The following RAD18 variants were observed in gnomAD, a reference collection of about 807,000 sequenced individuals.
RAD18 encodes E3 ubiquitin-protein ligase RAD18.
Under a neutral mutation model 60.4 loss-of-function variants are expected in RAD18, and 47 were observed. The ratio of observed to expected loss-of-function variants is 0.78; its 90% CI spans 0.62 to 0.99. The LOEUF (loss-of-function observed/expected upper bound fraction) is 0.99, where lower values mean the gene tolerates loss of function less well. RAD18 is among the 50% of genes least tolerant of loss of function. The probability of loss-of-function intolerance (pLI) is 0.00; values close to 1 mark genes in which losing one functional copy is unlikely to be tolerated. For missense variants in RAD18, 640 were observed against 593.3 expected (o/e 1.08, Z -0.82); for synonymous variants, 225 against 195.5 (o/e 1.15, Z -1.26).
At chr3:8,955,986 T>A (rs1295497963) in intron 2 of RAD18, among the ~76,000 whole-genome samples, 1 of 152,182 alleles carries the variant, frequency 6.6e-6, no homozygotes, top group Non-Finnish European at 1.5e-5. Flanking sequence ...TTTAATTTAT[T>A]AATAAGACAC....
intron 12 of RAD18, among the ~76,000 whole-genome samples, chr3:8,887,934 T>G (rs917224137): frequency 6.6e-6 from 1 of 152,094 alleles, no homozygotes; most frequent in African/African-American, 2.4e-5. Flanking sequence ...GAGTCACAAC[T>G]CCTCTATCTG....
At chr3:8,926,645 T>C (rs377096947) in intron 7 of RAD18, among the ~76,000 whole-genome samples, 1 of 152,122 alleles carries the variant, frequency 6.6e-6, no homozygotes, top group South Asian at 2.1e-4. Flanking sequence ...ATCATGCTAC[T>C]TGACTTCAAA....
chr3:8,877,786 G>A lies in RAD18; in HGVS notation c.*3571C>T, dbSNP rs1402233860. ...CTAATAGTTGAAGGAAGGAAGGACA[G>A]GAAGAGTGGAAAGGAAAGAAAGGTA... On this transcript the variant is annotated 3_prime_UTR_variant, in exon 13 of 13. Coordinates refer to ENST00000264926, the MANE Select transcript of RAD18 (RefSeq NM_020165.4). The A allele has an allele frequency of 6.6e-6, 1 of 152,038 alleles. No homozygotes were observed. The highest frequency in any genetic ancestry group is 1.9e-4 in the East Asian group (1 of 5,182). 9.4% of individuals were successfully genotyped at this position (152,038 alleles called of 1,614,324 possible).
chr3:8,932,460 AC>A (rs1196840080), intron 7 of RAD18, among the ~76,000 whole-genome samples: 1 of 152,250 alleles, frequency 6.6e-6, no homozygotes, highest in Non-Finnish European at 1.5e-5. Context: ...ATCATGAGAT[AC>A]CACTACTACA....
At chr3:8,907,628 G>C (rs896219862) in intron 9 of RAD18, among the ~76,000 whole-genome samples, 2 of 152,170 alleles carry the variant, frequency 1.3e-5, no homozygotes, top group African/African-American at 4.8e-5. Context: ...CTGAGCGTCA[G>C]GGATACAAGC....
chr3:8,946,480 A>G (rs1187652253), intron 4 of RAD18, among the ~76,000 whole-genome samples: 4 of 152,250 alleles, frequency 2.6e-5, no homozygotes, highest in Non-Finnish European at 5.9e-5. Context: ...TATCTAAACC[A>G]GTACGTCCTT....
At chr3:8,904,721 G>T (rs780474865) in intron 9 of RAD18, among the ~76,000 whole-genome samples, 53 of 152,126 alleles carry the variant, frequency 3.5e-4, no homozygotes, top group Non-Finnish European at 6.0e-4. Context: ...TCATCATTAT[G>T]TAGTTTCTAT....
chr3:8,929,339 T>C (rs376088331), intron 7 of RAD18, among the ~76,000 whole-genome samples: 2 of 151,882 alleles, frequency 1.3e-5, no homozygotes, highest in East Asian at 1.9e-4. Flanking sequence ...TAATAACTTA[T>C]AGGTAGAACA....
intron 11 of RAD18, among the ~76,000 whole-genome samples, chr3:8,891,645 T>A (rs1386405964): frequency 1.3e-5 from 2 of 152,312 alleles, no homozygotes; most frequent in East Asian, 3.9e-4. Context: ...GCTGCACAGC[T>A]CCCTGGTGTC....
intron 7 of RAD18, among the ~76,000 whole-genome samples, chr3:8,917,091 T>C (rs1018348032): frequency 5.3e-5 from 8 of 152,098 alleles, no homozygotes; most frequent in African/African-American, 1.9e-4. Context: ...AGACACATTA[T>C]ATAAAGAAAA....
intron 7 of RAD18, among the ~76,000 whole-genome samples, chr3:8,915,064 G>C (rs1483115881): frequency 1.3e-5 from 2 of 149,928 alleles, no homozygotes; most frequent in Non-Finnish European, 3.0e-5. Context: ...CAGGAGAATG[G>C]CGTGAACCCG....
At chr3:8,948,003 T>C (rs1412118074) in intron 3 of RAD18, among the ~76,000 whole-genome samples, 2 of 152,204 alleles carry the variant, frequency 1.3e-5, no homozygotes, top group Non-Finnish European at 2.9e-5. Flanking sequence ...TATGTTTAAT[T>C]ACCCTTTTAG....
intron 7 of RAD18, among the ~76,000 whole-genome samples, chr3:8,922,549 G>C (rs536310396): frequency 6.6e-6 from 1 of 152,220 alleles, no homozygotes. Flanking sequence ...GTCCCTGTCT[G>C]ACAGCTTGGA....
chr3:8,907,439 T>C (rs1031600122), intron 9 of RAD18, among the ~76,000 whole-genome samples: 1 of 152,166 alleles, frequency 6.6e-6, no homozygotes, highest in Non-Finnish European at 1.5e-5. Flanking sequence ...ATGGCTGGGC[T>C]CCTGGCTAAA....
At chr3:8,915,870 A>G (rs2125056431) in intron 7 of RAD18, among the ~76,000 whole-genome samples, 1 of 152,230 alleles carries the variant, frequency 6.6e-6, no homozygotes, top group Admixed American at 6.5e-5. Context: ...GGCGTGAGCC[A>G]CCGCACCTGG....
intron 7 of RAD18, among the ~76,000 whole-genome samples, chr3:8,928,189 AAAG>A (rs1559784043): frequency 6.6e-6 from 1 of 152,136 alleles, no homozygotes; most frequent in South Asian, 2.1e-4. Flanking sequence ...AAAAAAACAA[AAAG>A]AAGTATAGCT....
At chr3:8,882,549 C>A (rs1188619737) in intron 12 of RAD18, among the ~76,000 whole-genome samples, 1 of 152,170 alleles carries the variant, frequency 6.6e-6, no homozygotes, top group Non-Finnish European at 1.5e-5. Flanking sequence ...TAACAGTGAA[C>A]CCCGGCTGTT....
At chr3:8,886,635 G>C (rs1293238307) in intron 12 of RAD18, among the ~76,000 whole-genome samples, 1 of 152,254 alleles carries the variant, frequency 6.6e-6, no homozygotes, top group Non-Finnish European at 1.5e-5. Context: ...TTAAAATCCA[G>C]TGTACTTACT....
At chr3:8,900,183 AT>A (rs1253564696) in intron 10 of RAD18, among the ~76,000 whole-genome samples, 2 of 152,172 alleles carry the variant, frequency 1.3e-5, no homozygotes, top group African/African-American at 4.8e-5. Flanking sequence ...ATAAACTATC[AT>A]TAGCAAAACA....
Sources: gnomAD v4.1 joint callset for allele counts (sites outside exome capture counted in the v4.1 genomes callset) on GRCh38, gnomAD v4.1.1 for gene constraint, MANE v1.5 for transcripts, NCBI Gene and HGNC (gene_info 2026-07-23, HGNC 2026-07-21) for gene names.